PDE5A: variants seen among roughly 807,000 people sequenced by gnomAD.
PDE5A encodes cGMP-specific 3',5'-cyclic phosphodiesterase.
A neutral mutation model predicts 110.2 loss-of-function variants in PDE5A; 67 were observed. That is an observed-to-expected ratio of 0.61 (90% CI 0.50 to 0.75). PDE5A has a LOEUF of 0.75. Among genes scored for constraint, PDE5A ranks in the 30% least tolerant of loss-of-function variants. PDE5A has a pLI of 0.00. For synonymous variants in PDE5A, 328 were observed against 351.2 expected (o/e 0.93, Z 0.74); for missense variants, 862 against 1,045.1 (o/e 0.82, Z 2.42).
intron 14 of PDE5A, among the ~76,000 whole-genome samples, chr4:119,515,668 G>A (rs1725884590): frequency 6.6e-6 from 1 of 152,032 alleles, no homozygotes; most frequent in Non-Finnish European, 1.5e-5. Context: ...TCTTGGACCA[G>A]AAGTCATATC....
chr4:119,605,615 CCA>C, intron 2 of PDE5A, among the ~76,000 whole-genome samples: 1 of 152,054 alleles, frequency 6.6e-6, no homozygotes, highest in Non-Finnish European at 1.5e-5. Flanking sequence ...TTACTGCACT[CCA>C]GCCTGGATAG....
intron 1 of PDE5A, among the ~76,000 whole-genome samples, chr4:119,617,318 G>A (rs1427061548): frequency 1.3e-5 from 2 of 152,124 alleles, no homozygotes; most frequent in Non-Finnish European, 2.9e-5. Context: ...TTGACAGGAT[G>A]CAGGGATGCA....
At chr4:119,540,646 G>A (rs1726895117) in intron 10 of PDE5A, among the ~76,000 whole-genome samples, 1 of 151,986 alleles carries the variant, frequency 6.6e-6, no homozygotes, top group Admixed American at 6.6e-5. Context: ...TTACACATGG[G>A]GCATAAGGAT....
chr4:119,574,230 T>C (rs1728244507), intron 3 of PDE5A, among the ~76,000 whole-genome samples: 1 of 128,170 alleles, frequency 7.8e-6, no homozygotes, highest in Non-Finnish European at 1.6e-5. Context: ...TCGCCCAGGC[T>C]GGAGTGTAAT....
At chr4:119,625,147 G>A (rs1218050403) in intron 1 of PDE5A, among the ~76,000 whole-genome samples, 6 of 151,838 alleles carry the variant, frequency 4.0e-5, no homozygotes, top group Non-Finnish European at 7.4e-5. Flanking sequence ...ACAGGCGCGC[G>A]CCATACCTGG....
chr4:119,529,106 G>A (rs1296799883), intron 11 of PDE5A, among the ~76,000 whole-genome samples: 1 of 151,230 alleles, frequency 6.6e-6, no homozygotes, highest in African/African-American at 2.4e-5. Context: ...TGACTTTTCT[G>A]AAATTGTCAT....
intron 14 of PDE5A, among the ~76,000 whole-genome samples, chr4:119,511,574 T>C (rs1327818778): frequency 6.6e-6 from 1 of 152,092 alleles, no homozygotes; most frequent in Non-Finnish European, 1.5e-5. Flanking sequence ...AGCTTATTCA[T>C]GTGTGCCTGC....
intron 11 of PDE5A, among the ~76,000 whole-genome samples, chr4:119,534,727 G>A (rs1277352295): frequency 6.6e-6 from 1 of 152,082 alleles, no homozygotes; most frequent in Non-Finnish European, 1.5e-5. Context: ...AAAAATGAAG[G>A]AATATGATGG....
At position 119,502,644 on chromosome 4, in the gene PDE5A, A is replaced by C. The variant is rs1032970274; in HGVS notation, c.2343T>G (p.Leu781=). 2 of 1,601,910 alleles carry C rather than the reference A, an allele frequency of 1.2e-6. No homozygotes were observed. Among genetic ancestry groups the C allele is most frequent in the Non-Finnish European group, 1.7e-6 (2 of 1,169,608 alleles). ...CTTGATCAAAAAATTCAGTTGCTAC[A>C]AGTTCTGCTATCTGAAATAAATAAC... ...PWPIQQRIAE[L]VATEFFDQGD... The change falls in exon 19 of 21, where the codon CTT becomes CTG. Residue 781 remains leucine, a synonymous_variant. Coordinates refer to ENST00000354960, the MANE Select transcript of PDE5A (RefSeq NM_001083.4).
Position 119,525,656 on chromosome 4 carries a change from C to A in PDE5A, c.1672G>T (p.Asp558Tyr), listed in dbSNP as rs146620333. 6.2e-7 allele frequency: 1 copy of A among 1,612,486 alleles called. No homozygotes were observed. The highest frequency in any genetic ancestry group is 1.3e-5 in the African/African-American group (1 of 74,686). Residue 558 changes from aspartate to tyrosine, a missense_variant, in exon 12 of 21, where the codon GAC (aspartate) becomes TAC (tyrosine). Asp to Tyr is a radical substitution (Grantham distance 160). Coordinates refer to ENST00000354960, the MANE Select transcript of PDE5A (RefSeq NM_001083.4). This position sits in a 1 kb window ranked among gnomAD's most constrained non-coding sequence, Gnocchi z 4.3. ...VPSAQTLKIT[D>Y]FSFSDFELSD... ...AGCTCAAAGTCACTGAAGCTAAAGT[C>A]AGTAATTTTAAGGGTCTGGGCAGAT...
intron 9 of PDE5A, among the ~76,000 whole-genome samples, chr4:119,551,582 C>T (rs1727357352): frequency 6.6e-6 from 1 of 152,136 alleles, no homozygotes; most frequent in South Asian, 2.1e-4. Flanking sequence ...TCAGAATACT[C>T]GATGCACACT....
At chr4:119,609,978 T>G (rs1028550632) in intron 1 of PDE5A, among the ~76,000 whole-genome samples, 1 of 152,232 alleles carries the variant, frequency 6.6e-6, no homozygotes, top group Non-Finnish European at 1.5e-5. Context: ...ATGAATTGAC[T>G]GACTTTCTAA....
rs543861635 is a variant in PDE5A, at chr4:119,542,727, T to C, written c.1397-93A>G. 110 of 1,173,968 alleles carry C rather than the reference T, an allele frequency of 9.4e-5. No individual in the cohort carries two copies. In the South Asian group the frequency reaches 1.5e-3, roughly 16 times the overall value. 72.7% of individuals were successfully genotyped at this position (1,173,968 alleles called of 1,614,324 possible). On this transcript the variant is annotated intron_variant, in intron 9 of 20. Transcript: ENST00000354960. The stretch of plus-strand genomic sequence containing the variant: ...ACACACCCAAAGATTGTCTTACACT[T>C]TTCTCTTAGGAATGCTTAGTATGTC...
At position 119,525,492 on chromosome 4, in the gene PDE5A, TTACA is replaced by T. The variant is rs1726280104; in HGVS notation, c.1779+53_1779+56del. On this transcript the variant is annotated intron_variant, in intron 12 of 20. Transcript: ENST00000354960. This position sits in a 1 kb window ranked among gnomAD's most constrained non-coding sequence, Gnocchi z 4.3. ...TTGCATTCAAAACCAATTCTCTCTC[TTACA>T]TACACACACACATACACATAGACTT... 6.6e-7 allele frequency: 1 copy of T among 1,507,990 alleles called. No homozygotes were observed. The highest frequency in any genetic ancestry group is 2.3e-5 in the East Asian group (1 of 43,896). The allele number at this position is 1,507,990 out of a possible 1,614,324, so 93.4% of individuals were successfully genotyped here. A position where few individuals can be genotyped will look rare whatever the true frequency, so the allele number is the denominator to read the frequency against.
At chr4:119,596,245 A>G (rs1460207552) in intron 3 of PDE5A, among the ~76,000 whole-genome samples, 5 of 152,258 alleles carry the variant, frequency 3.3e-5, no homozygotes, top group East Asian at 1.9e-4. Flanking sequence ...CCATAATTAC[A>G]TATCTTAAGA....
At chr4:119,557,030 A>AAAGAGTAGCT (rs1407499147) in intron 7 of PDE5A, among the ~76,000 whole-genome samples, 1 of 42,438 alleles carries the variant, frequency 2.4e-5, no homozygotes, top group Non-Finnish European at 5.7e-5. Context: ...AGAGTAGCTG[A>AAAGAGTAGCT]CCAATGTCTC....
Position 119,525,538 on chromosome 4 carries a change from T to A in PDE5A, c.1779+11A>T. On this transcript the variant is annotated intron_variant, in intron 12 of 20. Coordinates refer to ENST00000354960, the MANE Select transcript of PDE5A (RefSeq NM_001083.4). This position sits in a 1 kb window ranked among gnomAD's most constrained non-coding sequence, Gnocchi z 4.3. Reference sequence around the variant, plus strand: ...CATAGACTTTTCCAAAGGATGTTGCTGCATTCCTACCTCATGTTTCATCTG... The same window carrying A: ...CATAGACTTTTCCAAAGGATGTTGCAGCATTCCTACCTCATGTTTCATCTG... 6.2e-7 allele frequency: 1 copy of A among 1,611,648 alleles called. No individual in the cohort carries two copies. Among genetic ancestry groups the A allele is most frequent in the Non-Finnish European group, 8.5e-7 (1 of 1,178,402 alleles).
At chr4:119,565,771 C>G (rs1352169282) in intron 4 of PDE5A, among the ~76,000 whole-genome samples, 1 of 151,832 alleles carries the variant, frequency 6.6e-6, no homozygotes, top group Non-Finnish European at 1.5e-5. Context: ...CTCATTACTG[C>G]AGCAAACAAC....
rs1248970868 is a variant in PDE5A, at chr4:119,495,554, T to C, written c.*3047A>G. 2 of 152,604 alleles carry C rather than the reference T, an allele frequency of 1.3e-5. No individual in the cohort carries two copies. Among genetic ancestry groups the C allele is most frequent in the Non-Finnish European group, 2.9e-5 (2 of 68,028 alleles). 9.5% of individuals were successfully genotyped at this position (152,604 alleles called of 1,614,324 possible). A position where few individuals can be genotyped will look rare whatever the true frequency, so the allele number is the denominator to read the frequency against. ...TGGAACAGGTCTAATATTTATTTGC[T>C]ATGCTGAAAATAAAGGCACTTCACT... On this transcript the variant is annotated 3_prime_UTR_variant, in exon 21 of 21. Transcript: ENST00000354960.
Sources: allele counts gnomAD v4.1 joint callset (sites outside exome capture counted in the v4.1 genomes callset), GRCh38; gene constraint gnomAD v4.1.1; non-coding constraint Gnocchi (gnomAD v3.1); transcripts MANE v1.5; gene names NCBI Gene and HGNC (gene_info 2026-07-23, HGNC 2026-07-21).